Variants in MARK2 observed in about 807,000 individuals in gnomAD.
MARK2 encodes the protein serine/threonine-protein kinase MARK2.
In MARK2, 16 loss-of-function variants were observed where a neutral mutation model predicts 89.8. The ratio of observed to expected loss-of-function variants is 0.18; its 90% CI spans 0.12 to 0.27. The LOEUF (loss-of-function observed/expected upper bound fraction) is 0.27, where lower values mean the gene tolerates loss of function less well. Among genes scored for constraint, MARK2 ranks in the 10% least tolerant of loss-of-function variants. MARK2 has a pLI of 1.00. For missense variants in MARK2, 621 were observed against 1,049.9 expected (o/e 0.59, Z 5.65); for synonymous variants, 382 against 399.5 (o/e 0.96, Z 0.52).
At chr11:63,851,767 CTTTTT>C (rs921827756) in intron 1 of MARK2, among the ~76,000 whole-genome samples, 1 of 147,030 alleles carries the variant, frequency 6.8e-6, no homozygotes, top group Non-Finnish European at 1.5e-5. Flanking sequence ...CTTTAGAAAA[CTTTTT>C]TTTTTTTTCT....
intron 1 of MARK2, among the ~76,000 whole-genome samples, chr11:63,844,970 C>G (rs1425762175): frequency 6.6e-6 from 1 of 152,142 alleles, no homozygotes; most frequent in African/African-American, 2.4e-5. Context: ...AAGCCTCAGA[C>G]TTTGTGGCCC....
chr11:63,842,590 C>T (rs1209072), intron 1 of MARK2, among the ~76,000 whole-genome samples: 10,068 of 152,126 alleles, frequency 0.066, 472 homozygotes, highest in Non-Finnish European at 0.09. Context: ...CACTGGCCTC[C>T]GAGAATAGAT....
chr11:63,900,732 C>T lies in MARK2; in HGVS notation c.889-48C>T. On this transcript the variant is annotated intron_variant, in intron 9 of 18. Coordinates refer to ENST00000402010, the MANE Select transcript of MARK2 (RefSeq NM_001039469.3). This position sits in a 1 kb window ranked among gnomAD's most constrained non-coding sequence, Gnocchi z 4.7. The stretch of plus-strand genomic sequence containing the variant: ...GGCCTGGGGTCCCCACAGAAACTTT[C>T]CAGCTGAGTTTCTTCCCCCTGCCCT... 1 of 1,613,546 alleles carries T rather than the reference C, an allele frequency of 6.2e-7. No individual in the cohort carries two copies. Among genetic ancestry groups the T allele is most frequent in the Non-Finnish European group, 8.5e-7 (1 of 1,179,476 alleles).
intron 1 of MARK2, among the ~76,000 whole-genome samples, chr11:63,872,006 CTTTCCCTTTTCTCTTGAGGGAAT>C (rs1938478811): frequency 6.6e-6 from 1 of 152,248 alleles, no homozygotes; most frequent in Non-Finnish European, 1.5e-5. Flanking sequence ...GTCAGGCCCA[CTTTCCCTTTTCTCTTGAGGGAAT>C]GACTCAGAGA....
intron 1 of MARK2, among the ~76,000 whole-genome samples, chr11:63,861,672 C>T (rs938801320): frequency 6.6e-6 from 1 of 151,118 alleles, no homozygotes; most frequent in Non-Finnish European, 1.5e-5. Flanking sequence ...GAATAGCTAA[C>T]ATTTATTGAG....
chr11:63,861,771 C>G (rs1018091062), intron 1 of MARK2, among the ~76,000 whole-genome samples: 2 of 137,664 alleles, frequency 1.5e-5, no homozygotes, highest in Non-Finnish European at 3.1e-5. Flanking sequence ...GACAGAGTCT[C>G]GCTCTTGTTG....
At chr11:63,848,731 T>C (rs918478745) in intron 1 of MARK2, among the ~76,000 whole-genome samples, 3 of 151,812 alleles carry the variant, frequency 2.0e-5, no homozygotes, top group African/African-American at 7.3e-5. Flanking sequence ...TTTGTACTTT[T>C]TTTTTTTTTA....
rs1941600083 is a variant in MARK2 at position 63,909,308 on chromosome 11, C to T, written c.*71C>T. 2.8e-6 allele frequency: 4 copies of T among 1,430,744 alleles called. No individual in the cohort carries two copies. Among genetic ancestry groups the T allele is most frequent in the Admixed American group, 5.4e-5 (2 of 36,868 alleles). 88.6% of individuals were successfully genotyped at this position (1,430,744 alleles called of 1,614,324 possible). A position where few individuals can be genotyped will look rare whatever the true frequency, so the allele number is the denominator to read the frequency against. On this transcript the variant is annotated 3_prime_UTR_variant, in exon 19 of 19. Coordinates refer to ENST00000402010, the MANE Select transcript of MARK2 (RefSeq NM_001039469.3). The stretch of plus-strand genomic sequence containing the variant: ...GCTGCCGGCCGCTGCGCCGCCCCAC[C>T]TGGGCGAGACTGCAGCGATGGATTG...
intron 18 of MARK2, 140 bp downstream of exon 18, chr11:63,908,444 CAGAG>C: frequency 1.5e-6 from 1 of 682,598 alleles, no homozygotes; most frequent in South Asian, 1.8e-5. Flanking sequence ...TCCCTTTCCT[CAGAG>C]AGTTTCCCCT....
At chr11:63,885,842 A>AG (rs1939363478) in intron 1 of MARK2, among the ~76,000 whole-genome samples, 1 of 150,536 alleles carries the variant, frequency 6.6e-6, no homozygotes, top group South Asian at 2.1e-4. Flanking sequence ...TCAAAAAAAA[A>AG]AAGAGGCCGG....
chr11:63,896,568 C>T (rs1940422893), intron 3 of MARK2, among the ~76,000 whole-genome samples: 1 of 152,208 alleles, frequency 6.6e-6, no homozygotes, highest in Non-Finnish European at 1.5e-5. Context: ...TACTGGGAAC[C>T]TTAGGAGTAA....
Position 63,906,078 on chromosome 11 carries a change from G to A in MARK2, c.1935-10G>A. ...TTTTTATTTTGTCTTTTTTTTGTTTGTTTTTTTAGAAATCTGTCTTTCAGG... is the reference window on the plus strand; with the variant it reads ...TTTTTATTTTGTCTTTTTTTTGTTTATTTTTTTAGAAATCTGTCTTTCAGG... On this transcript the variant is annotated splice_polypyrimidine_tract_variant and intron_variant, in intron 16 of 18. Coordinates refer to ENST00000402010, the MANE Select transcript of MARK2 (RefSeq NM_001039469.3). 1.5e-6 allele frequency: 2 copies of A among 1,335,644 alleles called. No homozygotes were observed. Among genetic ancestry groups the A allele is most frequent in the South Asian group, 2.3e-5 (1 of 42,822 alleles). The allele number at this position is 1,335,644 out of a possible 1,614,324, so 82.7% of individuals were successfully genotyped here. A position where few individuals can be genotyped will look rare whatever the true frequency, so the allele number is the denominator to read the frequency against.
chr11:63,902,515 C>T lies in MARK2; in HGVS notation c.1235-86C>T. ...GAATGGGGGCTTGCTGGGTTGTTGG[C>T]CAGCCCTGTAGGAAATGAGCATGCG... On this transcript the variant is annotated intron_variant, in intron 12 of 18. Transcript: ENST00000402010. This position sits in a 1 kb window ranked among gnomAD's most constrained non-coding sequence, Gnocchi z 4.2. 2 of 1,444,318 alleles carry T rather than the reference C, an allele frequency of 1.4e-6. No homozygotes were observed. Among genetic ancestry groups the T allele is most frequent in the Non-Finnish European group, 1.9e-6 (2 of 1,049,576 alleles). 89.5% of individuals were successfully genotyped at this position (1,444,318 alleles called of 1,614,324 possible).
At position 63,900,756 on chromosome 11, in the gene MARK2, C is replaced by T. The variant is rs751241651; in HGVS notation, c.889-24C>T. On this transcript the variant is annotated intron_variant, in intron 9 of 18. Coordinates refer to ENST00000402010, the MANE Select transcript of MARK2 (RefSeq NM_001039469.3). The surrounding 1 kb of genome is among the most constrained non-coding windows in gnomAD (Gnocchi z 4.7). Reference sequence around the variant, plus strand: ...TCCAGCTGAGTTTCTTCCCCCTGCCCTTTTCCTTCTCTGTGCTCCCCAGCA... The same window carrying T: ...TCCAGCTGAGTTTCTTCCCCCTGCCTTTTTCCTTCTCTGTGCTCCCCAGCA... 3.1e-6 allele frequency: 5 copies of T among 1,613,996 alleles called. No homozygotes were observed. The East Asian group carries it at 6.7e-5, about 22-fold the overall frequency.
chr11:63,860,888 A>T (rs746326915), intron 1 of MARK2, among the ~76,000 whole-genome samples: 1 of 151,902 alleles, frequency 6.6e-6, no homozygotes, highest in Non-Finnish European at 1.5e-5. Flanking sequence ...ACAAAAACTC[A>T]TGTCATTTGC....
intron 1 of MARK2, among the ~76,000 whole-genome samples, chr11:63,886,611 A>G (rs1230494600): frequency 3.3e-5 from 5 of 152,076 alleles, no homozygotes; most frequent in Non-Finnish European, 5.9e-5. Flanking sequence ...TTTAGTGGAG[A>G]TGGGGTTTCG....
chr11:63,855,749 C>G (rs1272893853), intron 1 of MARK2, among the ~76,000 whole-genome samples: 3 of 152,048 alleles, frequency 2.0e-5, no homozygotes, highest in African/African-American at 7.2e-5. Context: ...ATGTTTCAAC[C>G]AAAACAACTT....
intron 1 of MARK2, among the ~76,000 whole-genome samples, chr11:63,881,585 A>G (rs949306013): frequency 6.6e-6 from 1 of 152,088 alleles, no homozygotes; most frequent in African/African-American, 2.4e-5. Flanking sequence ...AGGGTATATG[A>G]AGGTGAGGGA....
At chr11:63,886,901 T>C (rs899039424) in intron 1 of MARK2, among the ~76,000 whole-genome samples, 2 of 152,150 alleles carry the variant, frequency 1.3e-5, no homozygotes, top group African/African-American at 4.8e-5. Context: ...ACTAGAAAAA[T>C]GAAGCTGTTT....
Sources: allele counts gnomAD v4.1 joint callset (sites outside exome capture counted in the v4.1 genomes callset), GRCh38; gene constraint gnomAD v4.1.1; non-coding constraint Gnocchi (gnomAD v3.1); transcripts MANE v1.5; gene names NCBI Gene and HGNC (gene_info 2026-07-23, HGNC 2026-07-21).